The following RAPGEF1 variants were observed in gnomAD, a reference collection of about 807,000 sequenced individuals.
RAPGEF1 encodes CRK SH3-binding GNRP.
A neutral mutation model predicts 143.3 loss-of-function variants in RAPGEF1; 33 were observed. That is an observed-to-expected ratio of 0.23 (90% CI 0.17 to 0.31). The LOEUF is 0.31. Among genes scored for constraint, RAPGEF1 ranks in the 10% least tolerant of loss-of-function variants. The pLI, the probability that RAPGEF1 is intolerant of heterozygous loss-of-function variation, is 1.00. For synonymous variants in RAPGEF1, 629 were observed against 676.5 expected (o/e 0.93, Z 1.09); for missense variants, 1,199 against 1,645.4 (o/e 0.73, Z 4.69).
chr9:131,650,888 G>A lies in RAPGEF1; in HGVS notation c.123C>T (p.Pro41=), dbSNP rs368515604. 2 of 1,613,992 alleles carry A rather than the reference G, an allele frequency of 1.2e-6. No individual in the cohort carries two copies. Among genetic ancestry groups the A allele is most frequent in the South Asian group, 1.1e-5 (1 of 91,082 alleles). ...TCTTTGATGGCGTTCTCTTGATTTTGGGTGAGTGGAATTTGTCCATCAGCT... is the reference window on the plus strand; with the variant it reads ...TCTTTGATGGCGTTCTCTTGATTTTAGGTGAGTGGAATTTGTCCATCAGCT... ...TMKLMDKFHS[P]KIKRTPSKKG... The change falls in exon 2 of 27, where the codon CCC becomes CCT. Residue 41 remains proline, a synonymous_variant. Transcript: ENST00000683357. This position sits in a 1 kb window ranked among gnomAD's most constrained non-coding sequence, Gnocchi z 4.7.
intron 9 of RAPGEF1, among the ~76,000 whole-genome samples, chr9:131,626,903 C>T (rs1405440808): frequency 6.6e-6 from 1 of 152,134 alleles, no homozygotes; most frequent in Non-Finnish European, 1.5e-5. Context: ...GAGTTCAATA[C>T]CAGCCTGGCC....
chr9:131,735,117 C>A (rs1564217193), intron 1 of RAPGEF1, among the ~76,000 whole-genome samples: 2 of 152,212 alleles, frequency 1.3e-5, no homozygotes, highest in South Asian at 4.1e-4. Flanking sequence ...CCCAGGAGGC[C>A]GGGATCTTTG....
chr9:131,587,245 T>C (rs1588204518), intron 22 of RAPGEF1, among the ~76,000 whole-genome samples: 3 of 73,084 alleles, frequency 4.1e-5, no homozygotes, highest in Non-Finnish European at 5.1e-5. Flanking sequence ...CACACACACC[T>C]GCAGAGCGAG....
chr9:131,735,976 A>G (rs1837387498), intron 1 of RAPGEF1, among the ~76,000 whole-genome samples: 1 of 152,194 alleles, frequency 6.6e-6, no homozygotes, highest in South Asian at 2.1e-4. Context: ...CGCAGCTGCC[A>G]GTCTGTGCTT....
At chr9:131,726,628 G>GAAA (rs71374125) in intron 1 of RAPGEF1, among the ~76,000 whole-genome samples, 53 of 101,702 alleles carry the variant, frequency 5.2e-4, no homozygotes, top group Non-Finnish European at 1.1e-3. Context: ...TCTGTCTCAA[G>GAAA]AAAAAAAAAA....
At chr9:131,709,689 A>G in intron 1 of RAPGEF1, 1 of 1,613,992 alleles carries the variant, frequency 6.2e-7, no homozygotes. Flanking sequence ...CCCATTTTAA[A>G]GCCAGAGGAC....
In RAPGEF1 at chr9:131,715,428, G is replaced by A. The variant is rs150349429; in HGVS notation, c.61+24342C>T. ...GTATGTGCCCAGGGGAAGGCCGGGG[G>A]TCAGATGGGACAGGGCCTTATAGAT... On this transcript the variant is annotated intron_variant, in intron 1 of 26. Transcript: ENST00000683357. 2.6e-3 allele frequency among the ~76,000 whole-genome samples: 394 copies of A among 152,158 alleles called. 1 individual carries two copies. Among genetic ancestry groups the A allele is most frequent in the Admixed American group, 7.0e-3 (107 of 15,278 alleles).
In RAPGEF1 at chr9:131,621,776, CA is replaced by C; in HGVS notation, c.1905+19del. ...CTGCTAGGATCGGAAGTTCTAGTCA[CA>C]AGGGAAGGTGTCACTCACCAGCTGC... is the stretch of plus-strand genomic sequence containing the variant. On this transcript the variant is annotated intron_variant, in intron 11 of 26. Coordinates refer to ENST00000683357, the MANE Select transcript of RAPGEF1 (RefSeq NM_001377935.1). The surrounding 1 kb of genome is among the most constrained non-coding windows in gnomAD (Gnocchi z 4.5). 6.3e-7 allele frequency: 1 copy of C among 1,587,706 alleles called. No individual in the cohort carries two copies. The highest frequency in any genetic ancestry group is 8.6e-7 in the Non-Finnish European group (1 of 1,167,846).
chr9:131,594,968 T>C (rs948128060), intron 17 of RAPGEF1, among the ~76,000 whole-genome samples: 6 of 152,210 alleles, frequency 3.9e-5, no homozygotes, highest in Non-Finnish European at 8.8e-5. Context: ...GCCCCCTATG[T>C]CAGGCAGGGA....
At chr9:131,624,672 G>A (rs3808802) in intron 10 of RAPGEF1, among the ~76,000 whole-genome samples, 32,658 of 152,180 alleles carry the variant, frequency 0.21, 4,174 homozygotes, top group Non-Finnish European at 0.29. Flanking sequence ...AGGGGTGGAG[G>A]GGGAGGCCAA....
intron 3 of RAPGEF1, among the ~76,000 whole-genome samples, chr9:131,649,066 T>A (rs779053868): frequency 5.9e-5 from 9 of 152,200 alleles, no homozygotes; most frequent in Non-Finnish European, 1.0e-4. Flanking sequence ...AGAGTCTCAC[T>A]CTGTTACCTA....
At chr9:131,714,375 G>C (rs542239800) in intron 1 of RAPGEF1, among the ~76,000 whole-genome samples, 1 of 151,470 alleles carries the variant, frequency 6.6e-6, no homozygotes, top group South Asian at 2.1e-4. Flanking sequence ...GGAAGGGCTC[G>C]TGGATCCCTG....
chr9:131,616,189 C>A (rs542208126), intron 12 of RAPGEF1, among the ~76,000 whole-genome samples: 8 of 152,074 alleles, frequency 5.3e-5, no homozygotes, highest in Non-Finnish European at 8.8e-5. Flanking sequence ...AACGCTTGAA[C>A]CTGGGAGGCG....
intron 3 of RAPGEF1, among the ~76,000 whole-genome samples, chr9:131,649,166 G>A (rs573307699): frequency 6.6e-6 from 1 of 150,628 alleles, no homozygotes; most frequent in African/African-American, 2.4e-5. Context: ...CCAAGCAGCT[G>A]GGATTACAGG....
chr9:131,724,559 C>A (rs1172730446), intron 1 of RAPGEF1, among the ~76,000 whole-genome samples: 1 of 152,138 alleles, frequency 6.6e-6, no homozygotes, highest in Non-Finnish European at 1.5e-5. Flanking sequence ...CACGCCACTG[C>A]ACTCCAGCCT....
At chr9:131,617,856 T>A (rs1959250942) in intron 12 of RAPGEF1, among the ~76,000 whole-genome samples, 1 of 152,178 alleles carries the variant, frequency 6.6e-6, no homozygotes, top group African/African-American at 2.4e-5. Flanking sequence ...GGACTCGAAA[T>A]TGTTCTAGAG....
At chr9:131,725,734 C>T (rs1010374697) in intron 1 of RAPGEF1, among the ~76,000 whole-genome samples, 2 of 150,476 alleles carry the variant, frequency 1.3e-5, no homozygotes, top group African/African-American at 4.9e-5. Context: ...TATTCAAGCC[C>T]TTTGCCCATT....
intron 1 of RAPGEF1, among the ~76,000 whole-genome samples, chr9:131,681,404 G>A (rs543022853): frequency 6.6e-6 from 1 of 152,124 alleles, no homozygotes; most frequent in African/African-American, 2.4e-5. Context: ...TACACCCCCA[G>A]ATCAACAGGG....
At position 131,698,753 on chromosome 9, in the gene RAPGEF1, G is replaced by A. The variant is rs533088667; in HGVS notation, c.61+41017C>T. 2.0e-5 allele frequency among the ~76,000 whole-genome samples: 3 copies of A among 151,842 alleles called. No homozygotes were observed. In the South Asian group the frequency reaches 6.2e-4, roughly 32 times the overall value. ...CCGACCAGGTGAGCAACCCCACTAC[G>A]GGAGGGACCCTGGGCTAGCCTGCTG... On this transcript the variant is annotated intron_variant, in intron 1 of 26. Transcript: ENST00000683357.
Sources: gnomAD v4.1 joint callset for allele counts (sites outside exome capture counted in the v4.1 genomes callset) on GRCh38, gnomAD v4.1.1 for gene constraint, Gnocchi (gnomAD v3.1) non-coding constraint, MANE v1.5 for transcripts, NCBI Gene and HGNC (gene_info 2026-07-23, HGNC 2026-07-21) for gene names.